Variants in HERC3 observed in about 807,000 individuals in gnomAD.
The protein encoded by HERC3 is probable E3 ubiquitin-protein ligase HERC3.
HERC3 carries 58 observed loss-of-function variants against 129.9 expected under a neutral mutation model. The ratio of observed to expected loss-of-function variants is 0.45; its 90% CI spans 0.36 to 0.56. The LOEUF (loss-of-function observed/expected upper bound fraction) is 0.56. HERC3 is among the 20% of genes least tolerant of loss of function. HERC3 has a pLI of 0.00. For missense variants in HERC3, 835 were observed against 1,244.2 expected (o/e 0.67, Z 4.95); for synonymous variants, 430 against 451.0 (o/e 0.95, Z 0.59).
chr4:88,580,815 A>G, the HERC3 span, among the ~76,000 whole-genome samples: 1 of 152,212 alleles, frequency 6.6e-6, no homozygotes, highest in Non-Finnish European at 1.5e-5. Flanking sequence ...AATTTATCAG[A>G]TTCTTTTATT....
chr4:88,566,051 T>C, the HERC3 span, among the ~76,000 whole-genome samples: 4 of 152,112 alleles, frequency 2.6e-5, no homozygotes, highest in Non-Finnish European at 5.9e-5. Context: ...ATGGGGTTTG[T>C]TGTACAGATT....
chr4:88,687,159 C>G, intron 22 of HERC3, 58 bp from the exon 23 acceptor site: 1 of 1,346,468 alleles, frequency 7.4e-7, no homozygotes, highest in South Asian at 1.2e-5. Flanking sequence ...CATTTGAGTT[C>G]TAGAAAGATG....
At chr4:88,678,973 ATTC>A (rs1172269243) in intron 19 of HERC3, among the ~76,000 whole-genome samples, 1 of 152,172 alleles carries the variant, frequency 6.6e-6, no homozygotes, top group African/African-American at 2.4e-5. Context: ...TTGTAGCAGT[ATTC>A]TTCTGGCATC....
intron 3 of HERC3, among the ~76,000 whole-genome samples, chr4:88,645,926 A>G (rs1728644017): frequency 6.6e-6 from 1 of 152,202 alleles, no homozygotes; most frequent in Non-Finnish European, 1.5e-5. Context: ...TCTCGTGTGA[A>G]CAGACGATGA....
At chr4:88,654,337 T>G (rs904698199) in intron 7 of HERC3, among the ~76,000 whole-genome samples, 1 of 134,468 alleles carries the variant, frequency 7.4e-6, no homozygotes, top group African/African-American at 2.8e-5. Flanking sequence ...TTTGGTAATC[T>G]TGTAGATTTT....
chr4:88,648,542 T>G (rs963049645), intron 3 of HERC3, among the ~76,000 whole-genome samples: 2 of 152,248 alleles, frequency 1.3e-5, no homozygotes, highest in Admixed American at 1.3e-4. Context: ...TCGGTGTTGC[T>G]TCTGAGAAGT....
intron 3 of HERC3, among the ~76,000 whole-genome samples, chr4:88,610,173 G>A (rs1167773705): frequency 6.6e-6 from 1 of 152,022 alleles, no homozygotes; most frequent in Non-Finnish European, 1.5e-5. Context: ...GCCTTACCTG[G>A]GCCAGGTGCA....
At chr4:88,553,237 A>T in the HERC3 span, among the ~76,000 whole-genome samples, 3 of 152,204 alleles carry the variant, frequency 2.0e-5, no homozygotes, top group South Asian at 2.1e-4. Context: ...CTAACAGCAG[A>T]GTTTGGGAGG....
intron 11 of HERC3, among the ~76,000 whole-genome samples, chr4:88,663,243 G>A (rs562458803): frequency 3.9e-5 from 6 of 152,192 alleles, no homozygotes; most frequent in Middle Eastern, 6.8e-3. Context: ...TGACCAGGAC[G>A]CTACACTTTG....
chr4:88,651,049 A>T (rs900737487), intron 4 of HERC3, among the ~76,000 whole-genome samples: 3 of 152,210 alleles, frequency 2.0e-5, no homozygotes, highest in Non-Finnish European at 4.4e-5. Flanking sequence ...TTTCTTCCAA[A>T]AATTAATTTA....
In HERC3 at chr4:88,657,915, C is replaced by T. The variant is rs541462834; in HGVS notation, c.1070-500C>T. Among the ~76,000 whole-genome samples, 9 of 151,580 alleles carry T rather than the reference C, an allele frequency of 5.9e-5. No homozygotes were observed. The South Asian group carries it at 1.9e-3, about 32-fold the overall frequency. On this transcript the variant is annotated intron_variant, in intron 9 of 25. Transcript: ENST00000402738. ...CAGGGGCAGCAGAGGGGGGAGGCACCGAGATGTGAAATAGTGTGGTGTATT... is the reference window on the plus strand; with the variant it reads ...CAGGGGCAGCAGAGGGGGGAGGCACTGAGATGTGAAATAGTGTGGTGTATT...
intron 11 of HERC3, among the ~76,000 whole-genome samples, chr4:88,663,935 C>CT (rs1258455625): frequency 2.0e-5 from 3 of 151,856 alleles, no homozygotes; most frequent in Non-Finnish European, 4.4e-5. Flanking sequence ...CTTTGATATT[C>CT]TTTTTTTTCC....
At chr4:88,617,467 G>A (rs1725033593) in intron 3 of HERC3, among the ~76,000 whole-genome samples, 1 of 152,148 alleles carries the variant, frequency 6.6e-6, no homozygotes, top group African/African-American at 2.4e-5. Flanking sequence ...GTTTGGAATT[G>A]GCCTCATACT....
intron 11 of HERC3, 140 bp downstream of exon 11, chr4:88,662,695 G>C (rs1012466318): frequency 7.8e-6 from 7 of 902,094 alleles, no homozygotes; most frequent in Non-Finnish European, 1.2e-5. Context: ...GGTTATTTTT[G>C]GTTACTATTT....
the HERC3 span, among the ~76,000 whole-genome samples, chr4:88,536,327 T>C: frequency 0.062 from 9,453 of 152,240 alleles, 420 homozygotes; most frequent in South Asian, 0.22. Flanking sequence ...AAACCACTAC[T>C]CAGCTTTTAA....
At chr4:88,630,989 T>C (rs1238433355) in intron 3 of HERC3, among the ~76,000 whole-genome samples, 1 of 152,234 alleles carries the variant, frequency 6.6e-6, no homozygotes, top group Non-Finnish European at 1.5e-5. Context: ...CCATATGTTA[T>C]TATTGACTTC....
At chr4:88,675,443 A>G (rs571225789) in intron 16 of HERC3, among the ~76,000 whole-genome samples, 57 of 152,332 alleles carry the variant, frequency 3.7e-4, no homozygotes, top group African/African-American at 1.3e-3. Context: ...CAGATCTCTG[A>G]GAATACACCC....
chr4:88,633,440 G>A (rs11939326), intron 3 of HERC3, among the ~76,000 whole-genome samples: 21,579 of 152,178 alleles, frequency 0.14, 1,703 homozygotes, highest in East Asian at 0.2. Flanking sequence ...GGTTTCTTCC[G>A]TGTAATATAT....
chr4:88,621,596 C>G (rs1291508424), intron 3 of HERC3, among the ~76,000 whole-genome samples: 1 of 152,170 alleles, frequency 6.6e-6, no homozygotes, highest in Non-Finnish European at 1.5e-5. Context: ...CAGGATCACA[C>G]AGTTTTTGCT....
Sources: gnomAD v4.1 joint callset for allele counts (sites outside exome capture counted in the v4.1 genomes callset) on GRCh38, gnomAD v4.1.1 for gene constraint, MANE v1.5 for transcripts, NCBI Gene and HGNC (gene_info 2026-07-23, HGNC 2026-07-21) for gene names.